The following PPP3CC variants were observed in gnomAD, a reference collection of about 807,000 sequenced individuals.
PPP3CC encodes protein phosphatase 3 catalytic subunit gamma.
Under a neutral mutation model 60.3 loss-of-function variants are expected in PPP3CC, and 35 were observed. That is an observed-to-expected ratio of 0.58 (90% CI 0.44 to 0.77). The LOEUF is 0.77. Ranked by LOEUF, PPP3CC falls within the 30% of genes least tolerant of loss-of-function variation. The pLI, the probability that PPP3CC is intolerant of heterozygous loss-of-function variation, is 0.00. For missense variants in PPP3CC, 570 were observed against 628.9 expected (o/e 0.91, Z 1.00); for synonymous variants, 206 against 224.3 (o/e 0.92, Z 0.73).
At chr8:22,457,020 CCTCCCTTCCTCCCTT>C (rs1837217842) in intron 1 of PPP3CC, among the ~76,000 whole-genome samples, 3 of 27,790 alleles carry the variant, frequency 1.1e-4, no homozygotes, top group African/African-American at 6.4e-4. Flanking sequence ...TCCCTCCCTT[CCTCCCTTCCTCCCTT>C]CCTCCCTCCC....
intron 10 of PPP3CC, among the ~76,000 whole-genome samples, chr8:22,530,829 C>CAAA (rs58626647): frequency 1.0e-4 from 6 of 58,030 alleles, no homozygotes; most frequent in East Asian, 6.4e-4. Context: ...AGACTCATCT[C>CAAA]AAAAAAAAAA....
At chr8:22,518,334 C>T (rs955941601) in intron 6 of PPP3CC, among the ~76,000 whole-genome samples, 3 of 152,032 alleles carry the variant, frequency 2.0e-5, no homozygotes, top group Non-Finnish European at 4.4e-5. Flanking sequence ...TTTTGATTTC[C>T]TCTTTGACAC....
intron 10 of PPP3CC, among the ~76,000 whole-genome samples, chr8:22,529,236 A>G (rs1563786608): frequency 6.6e-6 from 1 of 152,246 alleles, no homozygotes; most frequent in African/African-American, 2.4e-5. Flanking sequence ...GTCAATTAGT[A>G]CTTAAAATTA....
At chr8:22,513,178 C>T (rs1839139373) in intron 5 of PPP3CC, 115 bp from the exon 6 acceptor site, 1 of 959,764 alleles carries the variant, frequency 1.0e-6, no homozygotes. Context: ...GGCACACTGG[C>T]TTCTCTCCTA....
intron 12 of PPP3CC, among the ~76,000 whole-genome samples, 173 bp from the exon 13 acceptor site, chr8:22,539,296 A>G (rs767278597): frequency 2.0e-5 from 3 of 151,926 alleles, no homozygotes; most frequent in South Asian, 2.1e-4. Flanking sequence ...TCCCACCCCA[A>G]TTGAGTCTCT....
intron 1 of PPP3CC, among the ~76,000 whole-genome samples, chr8:22,444,661 C>T (rs756887492): frequency 8.5e-5 from 13 of 152,168 alleles, no homozygotes; most frequent in Admixed American, 3.3e-4. Context: ...TGATTTTACT[C>T]ATTCATTAAA....
At chr8:22,518,959 T>A (rs1839331484) in intron 6 of PPP3CC, among the ~76,000 whole-genome samples, 2 of 152,212 alleles carry the variant, frequency 1.3e-5, no homozygotes, top group South Asian at 4.1e-4. Flanking sequence ...AGTGCTGGGA[T>A]TACAGGTGTG....
In PPP3CC at chr8:22,505,359, A is replaced by C. The variant is rs1020752594; in HGVS notation, c.485-5727A>C. 2.0e-5 allele frequency among the ~76,000 whole-genome samples: 3 copies of C among 152,230 alleles called. No homozygotes were observed. The East Asian group carries it at 5.8e-4, about 29-fold the overall frequency. On this transcript the variant is annotated intron_variant, in intron 4 of 13. Coordinates refer to ENST00000240139, the MANE Select transcript of PPP3CC (RefSeq NM_005605.5). ...ACCATTTTTTTAAATGTATAGTTAAATAGCTTACTGACAAGTTCCAGAAAC... is the reference window on the plus strand; with the variant it reads ...ACCATTTTTTTAAATGTATAGTTAACTAGCTTACTGACAAGTTCCAGAAAC...
rs71206523 is a variant in PPP3CC at position 22,496,485 on chromosome 8, C to CTTTTTTTTTTTTTTTTT, written c.373-1502_373-1486dup. ...AAGTTAAATTAGGGAGAACTGTAAT[C>CTTTTTTTTTTTTTTTTT]TTTTTTTTTTTTTTTTTTTTTTTTT... On this transcript the variant is annotated intron_variant, in intron 3 of 13. Transcript: ENST00000240139. 2.6e-3 allele frequency among the ~76,000 whole-genome samples: 115 copies of CTTTTTTTTTTTTTTTTT among 43,580 alleles called. 30 individuals carry two copies. The highest frequency in any genetic ancestry group is 3.6e-3 in the Non-Finnish European group (85 of 23,916). 28.6% of individuals were successfully genotyped at this position (43,580 alleles called of 152,430 possible). A position where few individuals can be genotyped will look rare whatever the true frequency, so the allele number is the denominator to read the frequency against.
intron 1 of PPP3CC, among the ~76,000 whole-genome samples, chr8:22,459,615 T>C (rs1235622562): frequency 6.6e-6 from 1 of 152,214 alleles, no homozygotes; most frequent in Non-Finnish European, 1.5e-5. Context: ...TTTAGTGACC[T>C]CTCAGAGATT....
At chr8:22,516,138 C>T (rs190105262) in intron 6 of PPP3CC, among the ~76,000 whole-genome samples, 1 of 152,068 alleles carries the variant, frequency 6.6e-6, no homozygotes, top group East Asian at 1.9e-4. Context: ...AAGGTCTTGG[C>T]TGTTTTGCCC....
intron 3 of PPP3CC, among the ~76,000 whole-genome samples, chr8:22,482,812 C>T (rs1838108134): frequency 6.6e-6 from 1 of 152,100 alleles, no homozygotes; most frequent in African/African-American, 2.4e-5. Flanking sequence ...TGTTTCAATT[C>T]AGCTACGTCA....
Position 22,533,000 on chromosome 8 carries a change from A to T in PPP3CC, c.1303A>T (p.Lys435Ter). The T allele has an allele frequency of 1.2e-6, 2 of 1,604,788 alleles. No individual in the cohort carries two copies. Among genetic ancestry groups the T allele is most frequent in the Non-Finnish European group, 1.7e-6 (2 of 1,174,908 alleles). ...TLPLGVLSGGKQTIETATVEA... is the reference protein window; with the variant it reads ...TLPLGVLSGG ...CCCTCTGGGCGTCCTCTCAGGAGGC[A>T]AGCAGACTATCGAGACAGGTGAGTA... The change falls in exon 12 of 14, where the codon AAG (lysine) becomes TAG (stop). Residue 435 changes from lysine to a stop codon, truncating the protein, a stop_gained. Transcript: ENST00000240139. LOFTEE classifies it low-confidence loss of function (END_TRUNC).
chr8:22,460,152 GTTA>G (rs1376947322), intron 1 of PPP3CC, among the ~76,000 whole-genome samples: 1 of 152,018 alleles, frequency 6.6e-6, no homozygotes, highest in African/African-American at 2.4e-5. Flanking sequence ...TTTTGTGGTG[GTTA>G]TTGTTTTTTG....
chr8:22,526,297 T>C (rs1006406477), intron 8 of PPP3CC, among the ~76,000 whole-genome samples: 11 of 152,222 alleles, frequency 7.2e-5, no homozygotes, highest in African/African-American at 2.7e-4. Flanking sequence ...TAAGCTCTTG[T>C]TTCCAGTCAT....
chr8:22,489,332 C>T (rs896689647), intron 3 of PPP3CC, among the ~76,000 whole-genome samples: 3 of 151,858 alleles, frequency 2.0e-5, no homozygotes, highest in Admixed American at 6.6e-5. Context: ...TGCAAAGTCC[C>T]TCTTTTTTGT....
intron 12 of PPP3CC, among the ~76,000 whole-genome samples, chr8:22,535,369 G>A (rs1839820576): frequency 6.6e-6 from 1 of 152,188 alleles, no homozygotes; most frequent in African/African-American, 2.4e-5. Context: ...ACTAACACTA[G>A]GTATGAAAAT....
At chr8:22,507,842 G>A (rs1226207226) in intron 4 of PPP3CC, among the ~76,000 whole-genome samples, 1 of 152,154 alleles carries the variant, frequency 6.6e-6, no homozygotes, top group Non-Finnish European at 1.5e-5. Context: ...GGGGGCTGCA[G>A]TTCTTCAAAT....
intron 1 of PPP3CC, among the ~76,000 whole-genome samples, chr8:22,453,007 A>G (rs1837082508): frequency 6.6e-6 from 1 of 152,218 alleles, no homozygotes; most frequent in African/African-American, 2.4e-5. Flanking sequence ...ATATTTAAGT[A>G]TGTGCAAGCA....
Sources: gnomAD v4.1 joint callset for allele counts (sites outside exome capture counted in the v4.1 genomes callset) on GRCh38, gnomAD v4.1.1 for gene constraint, MANE v1.5 for transcripts, NCBI Gene and HGNC (gene_info 2026-07-23, HGNC 2026-07-21) for gene names.